The following SUGCT variants were observed in gnomAD, a reference collection of about 807,000 sequenced individuals.
SUGCT encodes succinyl-CoA:glutarate-CoA transferase.
Under a neutral mutation model 55.0 loss-of-function variants are expected in SUGCT, and 41 were observed. The ratio of observed to expected loss-of-function variants is 0.74; its 90% CI spans 0.58 to 0.97. SUGCT has a LOEUF of 0.97. SUGCT is among the 50% of genes least tolerant of loss of function. The pLI, the probability that SUGCT is intolerant of heterozygous loss-of-function variation, is 0.00. For synonymous variants in SUGCT, 187 were observed against 200.4 expected, an observed-to-expected ratio of 0.93 and a Z score of 0.56; for missense variants, 568 against 547.8, an observed-to-expected ratio of 1.04 and a Z score of -0.37.
chr7:40,345,881 G>A (rs879723616), intron 9 of SUGCT, among the ~76,000 whole-genome samples: 1 of 151,256 alleles, frequency 6.6e-6, no homozygotes, highest in African/African-American at 2.4e-5. Flanking sequence ...TTTTATATAG[G>A]ACTTTTACAT....
At chr7:40,493,926 G>C (rs1791832740) in intron 11 of SUGCT, among the ~76,000 whole-genome samples, 1 of 152,156 alleles carries the variant, frequency 6.6e-6, no homozygotes, top group Non-Finnish European at 1.5e-5. Flanking sequence ...GTCTCTCTCT[G>C]ATTGAGTTCA....
chr7:40,485,187 T>G (rs549304787), intron 11 of SUGCT, among the ~76,000 whole-genome samples: 5 of 152,130 alleles, frequency 3.3e-5, no homozygotes, highest in Non-Finnish European at 7.4e-5. Flanking sequence ...GGCTTGTGAC[T>G]CTAACCCAAA....
chr7:40,394,580 A>G (rs1785616788), intron 9 of SUGCT, among the ~76,000 whole-genome samples: 1 of 152,220 alleles, frequency 6.6e-6, no homozygotes, highest in East Asian at 1.9e-4. Context: ...ATTACCTCAC[A>G]TGCAGTGTTA....
chr7:40,863,922 C>T (rs138101823), downstream of SUGCT, among the ~76,000 whole-genome samples: 3 of 151,764 alleles, frequency 2.0e-5, no homozygotes, highest in Admixed American at 1.3e-4. Context: ...TGAAGAGATG[C>T]AGAAAAAAGA....
At chr7:40,942,659 A>C in the SUGCT span, among the ~76,000 whole-genome samples, 3 of 151,946 alleles carry the variant, frequency 2.0e-5, no homozygotes, top group Non-Finnish European at 4.4e-5. Context: ...TAAGTTTTCC[A>C]CACTTTTTGT....
At position 40,166,404 on chromosome 7, in the gene SUGCT, G is replaced by A. The variant is rs113459779; in HGVS notation, c.101-14543G>A. ...AATATACTCTAGAAGTCCTTTCTGA[G>A]TGTCTTATCAGATAATAAAATTCCA... On this transcript the variant is annotated intron_variant, in intron 1 of 13. Transcript: ENST00000335693. Among the ~76,000 whole-genome samples, 526 of 152,238 alleles carry A rather than the reference G, an allele frequency of 3.5e-3. 6 individuals are homozygous for A. The highest frequency in any genetic ancestry group is 0.011 in the African/African-American group (476 of 41,550).
Position 40,467,253 on chromosome 7 carries a change from G to A in SUGCT, c.986+8055G>A, listed in dbSNP as rs118152881. Reference sequence around the variant, plus strand: ...CATGAAAACAGCCAGCACAGTTTGAGCATGCAGCAGTACTCAGCCTATTTG... The same window carrying A: ...CATGAAAACAGCCAGCACAGTTTGAACATGCAGCAGTACTCAGCCTATTTG... On this transcript the variant is annotated intron_variant, in intron 11 of 13. Coordinates refer to ENST00000335693, the MANE Select transcript of SUGCT (RefSeq NM_001193313.2). Among the ~76,000 whole-genome samples the A allele has an allele frequency of 1.5e-3, 226 of 148,380 alleles. 3 individuals carry two copies. In the East Asian group the frequency reaches 0.04, roughly 26 times the overall value.
intron 7 of SUGCT, among the ~76,000 whole-genome samples, chr7:40,265,670 T>C (rs1408257175): frequency 6.6e-6 from 1 of 152,024 alleles, no homozygotes; most frequent in African/African-American, 2.4e-5. Context: ...AAAAAAAACC[T>C]TTGGCTGGTT....
Position 40,348,335 on chromosome 7 carries a change from T to C in SUGCT, c.816+31480T>C, listed in dbSNP as rs566424700. ...CCGGAGCTCTAGTGGAATTTTCTGC[T>C]CTGACCAGGGTCTGTGAAATGGTAA... is the stretch of plus-strand genomic sequence containing the variant. On this transcript the variant is annotated intron_variant, in intron 9 of 13. Coordinates refer to ENST00000335693, the MANE Select transcript of SUGCT (RefSeq NM_001193313.2). 2.0e-5 allele frequency among the ~76,000 whole-genome samples: 3 copies of C among 152,326 alleles called. No individual in the cohort carries two copies. In the East Asian group the frequency reaches 5.8e-4, roughly 29 times the overall value.
intron 8 of SUGCT, among the ~76,000 whole-genome samples, chr7:40,296,242 T>C (rs1794136513): frequency 1.3e-5 from 2 of 152,244 alleles, no homozygotes; most frequent in Admixed American, 6.5e-5. Flanking sequence ...AGTTTCCTTT[T>C]TTTATGTGAA....
chr7:40,529,395 C>G (rs1793968890), intron 12 of SUGCT, among the ~76,000 whole-genome samples: 1 of 152,200 alleles, frequency 6.6e-6, no homozygotes, highest in Admixed American at 6.5e-5. Context: ...CTGTGAGGAC[C>G]AGTGCACCAA....
intron 12 of SUGCT, among the ~76,000 whole-genome samples, chr7:40,715,551 CAT>C (rs773447512): frequency 2.0e-5 from 3 of 152,158 alleles, no homozygotes; most frequent in Admixed American, 1.3e-4. Flanking sequence ...TGCCCCCCCT[CAT>C]GTGTTTTCTA....
chr7:40,838,054 C>T (rs747164947), intron 13 of SUGCT, among the ~76,000 whole-genome samples: 5 of 152,204 alleles, frequency 3.3e-5, no homozygotes, highest in Non-Finnish European at 5.9e-5. Flanking sequence ...TAAACATCAA[C>T]TGGATATGTT....
chr7:40,407,850 A>G (rs987564548), intron 9 of SUGCT, among the ~76,000 whole-genome samples: 3 of 152,114 alleles, frequency 2.0e-5, no homozygotes, highest in Non-Finnish European at 4.4e-5. Flanking sequence ...GAGCCATCCA[A>G]TTCATTCCCT....
intron 10 of SUGCT, among the ~76,000 whole-genome samples, chr7:40,454,039 A>C (rs1261682741): frequency 2.0e-5 from 3 of 152,202 alleles, no homozygotes; most frequent in Non-Finnish European, 4.4e-5. Context: ...TCACTCGTTG[A>C]GCTCAATAGT....
intron 12 of SUGCT, among the ~76,000 whole-genome samples, chr7:40,623,722 TCATACACACA>T (rs937255900): frequency 4.6e-5 from 7 of 152,066 alleles, no homozygotes; most frequent in South Asian, 2.1e-4. Context: ...GCACATGCAC[TCATACACACA>T]CATACACACA....
chr7:40,756,952 G>A (rs751113923), intron 13 of SUGCT, among the ~76,000 whole-genome samples: 1 of 152,154 alleles, frequency 6.6e-6, no homozygotes, highest in African/African-American at 2.4e-5. Context: ...GAGAAAGTTG[G>A]CAGGAAAGTG....
chr7:40,958,082 C>T, the SUGCT span, among the ~76,000 whole-genome samples: 1 of 152,080 alleles, frequency 6.6e-6, no homozygotes, highest in Non-Finnish European at 1.5e-5. Flanking sequence ...TTCTCTCTGG[C>T]TGCCCTTAAG....
At chr7:40,445,020 T>C (rs954781449) in intron 9 of SUGCT, among the ~76,000 whole-genome samples, 4 of 152,186 alleles carry the variant, frequency 2.6e-5, no homozygotes, top group African/African-American at 7.2e-5. Context: ...ATGTGATGGA[T>C]TATGTTTATT....
Sources: allele counts gnomAD v4.1 joint callset (sites outside exome capture counted in the v4.1 genomes callset), GRCh38; gene constraint gnomAD v4.1.1; transcripts MANE v1.5; gene names NCBI Gene and HGNC (gene_info 2026-07-23, HGNC 2026-07-21).